Variants in DFFB observed in about 807,000 individuals in gnomAD.
DFFB encodes the protein DNA fragmentation factor subunit beta.
Under a neutral mutation model 32.7 loss-of-function variants are expected in DFFB, and 29 were observed. The ratio of observed to expected loss-of-function variants is 0.89; its 90% confidence interval spans 0.66 to 1.21. DFFB has a LOEUF of 1.21. DFFB is among the 50% of genes most tolerant of loss of function. The pLI, the probability that DFFB is intolerant of heterozygous loss-of-function variation, is 0.00. For synonymous variants in DFFB, 170 were observed against 177.1 expected (o/e 0.96, Z 0.32); for missense variants, 398 against 440.6 (o/e 0.90, Z 0.87).
chr1:3,883,413 A>G (rs1182409584), intron 6 of DFFB, 94 bp from the exon 7 acceptor site: 4 of 1,192,012 alleles, frequency 3.4e-6, no homozygotes, highest in African/African-American at 3.0e-5. Flanking sequence ...ACTTAGGGGA[A>G]TTTGTGAAGA....
intron 1 of DFFB, 35 bp from the exon 2 acceptor site, chr1:3,858,683 C>T (rs781435042): frequency 2.5e-6 from 4 of 1,607,864 alleles, no homozygotes; most frequent in Non-Finnish European, 3.4e-6. Context: ...GTCTTGAGAC[C>T]CTTCCTCCTC....
chr1:3,868,666 C>T (rs1272280742), intron 4 of DFFB, among the ~76,000 whole-genome samples: 1 of 151,562 alleles, frequency 6.6e-6, no homozygotes, highest in Non-Finnish European at 1.5e-5. Flanking sequence ...CAGGCCACAC[C>T]ACACCACACC....
At chr1:3,881,677 G>A (rs1557730691) in intron 6 of DFFB, among the ~76,000 whole-genome samples, 1 of 152,040 alleles carries the variant, frequency 6.6e-6, no homozygotes, top group African/African-American at 2.4e-5. Context: ...TGGCCAACAC[G>A]GTGAAACCCC....
In DFFB at chr1:3,883,702, A is replaced by G; in HGVS notation, c.978A>G (p.Thr326=). Residue 326 remains threonine (T), a synonymous_variant, in exon 7 of 7, where the codon ACA becomes ACG. Transcript: ENST00000378209. Reference sequence around the variant, plus strand: ...CAAGCAGAATCTACAAACCCCAGACAAGGTTGAAGCGGAAGCAGCCTGTGC... The same window carrying G: ...CAAGCAGAATCTACAAACCCCAGACGAGGTTGAAGCGGAAGCAGCCTGTGC... The part of the protein sequence containing the change: ...CDPSRIYKPQ[T]RLKRKQPVRK... 1 of 1,614,136 alleles carries G rather than the reference A, an allele frequency of 6.2e-7. No homozygotes were observed.
chr1:3,874,002 C>T (rs886409438), intron 6 of DFFB, among the ~76,000 whole-genome samples: 3 of 149,438 alleles, frequency 2.0e-5, no homozygotes, highest in Non-Finnish European at 4.5e-5. Flanking sequence ...CACCTTGCCC[C>T]GAGGGAAAAC....
Position 3,883,806 on chromosome 1 carries a change from T to C in DFFB, c.*65T>C, listed in dbSNP as rs913860789. On this transcript the variant is annotated 3_prime_UTR_variant, in exon 7 of 7. Transcript: ENST00000378209. Reference sequence around the variant, plus strand: ...CGTGGGCATCATTTTAACAGGTGCCTTTTTTGTTTTTTTGTTTTTCGTTTT... The same window carrying C: ...CGTGGGCATCATTTTAACAGGTGCCCTTTTTGTTTTTTTGTTTTTCGTTTT... 4 of 1,398,708 alleles carry C rather than the reference T, an allele frequency of 2.9e-6. No individual in the cohort carries two copies. The highest frequency in any genetic ancestry group is 1.8e-4 in the Middle Eastern group (1 of 5,472). 86.6% of individuals were successfully genotyped at this position (1,398,708 alleles called of 1,614,324 possible).
chr1:3,868,608 T>TACCACACCACACCAC (rs1557715984), intron 4 of DFFB, among the ~76,000 whole-genome samples: 134 of 3,108 alleles, frequency 0.043, 32 homozygotes, highest in African/African-American at 0.057. Context: ...TACCACACCA[T>TACCACACCACACCAC]ACCAGACCAC....
At chr1:3,867,804 G>A (rs1645014032) in intron 3 of DFFB, 170 bp from the exon 4 acceptor site, 8 of 666,394 alleles carry the variant, frequency 1.2e-5, no homozygotes, top group African/African-American at 5.4e-5. Flanking sequence ...AGTAAGCTGT[G>A]TTCGTGCCAC....
At chr1:3,858,958 C>T (rs1323682519) in intron 2 of DFFB, 114 bp downstream of exon 2, 33 of 1,458,324 alleles carry the variant, frequency 2.3e-5, no homozygotes, top group Admixed American at 4.7e-5. Context: ...TGTGAACTCT[C>T]GGGTCTCAAG....
At chr1:3,868,321 C>T (rs1037812801) in intron 4 of DFFB, among the ~76,000 whole-genome samples, 8 of 152,026 alleles carry the variant, frequency 5.3e-5, no homozygotes, top group South Asian at 4.1e-4. Context: ...GCCTGCCTCC[C>T]CTCCTCTCCT....
Position 3,869,829 on chromosome 1 carries a change from C to T in DFFB, c.681+54C>T, listed in dbSNP as rs1570919153. 4 of 1,523,008 alleles carry T rather than the reference C, an allele frequency of 2.6e-6. No homozygotes were observed. In the East Asian group the frequency reaches 9.3e-5, roughly 35 times the overall value. The allele number at this position is 1,523,008 out of a possible 1,614,324, so 94.3% of individuals were successfully genotyped here. A position where few individuals can be genotyped will look rare whatever the true frequency, so the allele number is the denominator to read the frequency against. On this transcript the variant is annotated intron_variant, in intron 5 of 6. Coordinates refer to ENST00000378209, the MANE Select transcript of DFFB (RefSeq NM_004402.4). ...CACCCGGCTGGCCTGTGGAACACAG[C>T]CCGCCTGGGGCGAGGCGGGTGGGGA...
At chr1:3,882,159 C>T (rs557374111) in intron 6 of DFFB, among the ~76,000 whole-genome samples, 5 of 152,226 alleles carry the variant, frequency 3.3e-5, no homozygotes, top group African/African-American at 1.2e-4. Context: ...AAGTGATTTT[C>T]GTGCCTCAGC....
intron 2 of DFFB, chr1:3,860,436 C>T (rs531801256): frequency 1.2e-5 from 5 of 433,754 alleles, no homozygotes; most frequent in Non-Finnish European, 2.3e-5. Context: ...GCCATGTTTC[C>T]CAGGATAGTC....
intron 2 of DFFB, among the ~76,000 whole-genome samples, chr1:3,862,832 CA>C (rs1327751796): frequency 6.6e-6 from 1 of 152,130 alleles, no homozygotes; most frequent in Non-Finnish European, 1.5e-5. Flanking sequence ...GAAGAAAAAA[CA>C]GATAAATTGG....
chr1:3,877,905 C>T (rs970731990), intron 6 of DFFB, among the ~76,000 whole-genome samples: 4 of 152,144 alleles, frequency 2.6e-5, no homozygotes, highest in African/African-American at 9.7e-5. Context: ...GTTTCCACCC[C>T]TTTCCTTTGG....
chr1:3,870,253 C>T (rs1426775136), intron 5 of DFFB, among the ~76,000 whole-genome samples: 1 of 152,222 alleles, frequency 6.6e-6, no homozygotes, highest in African/African-American at 2.4e-5. Flanking sequence ...CACCCCTCCC[C>T]CTCCCATGGT....
chr1:3,880,372 G>A (rs1183190352), intron 6 of DFFB, among the ~76,000 whole-genome samples: 1 of 152,222 alleles, frequency 6.6e-6, no homozygotes. Context: ...TTCATCTGCA[G>A]CTATAAGAAA....
chr1:3,872,831 C>T (rs1297094328), intron 6 of DFFB, among the ~76,000 whole-genome samples: 1 of 152,250 alleles, frequency 6.6e-6, no homozygotes, highest in Non-Finnish European at 1.5e-5. Context: ...GCCCTCCTGT[C>T]CCCTCCAGTC....
intron 6 of DFFB, among the ~76,000 whole-genome samples, chr1:3,877,205 T>C (rs1645240654): frequency 6.6e-6 from 1 of 151,330 alleles, no homozygotes; most frequent in African/African-American, 2.5e-5. Context: ...TTGTAAAATT[T>C]ATTCCTACCT....
Sources: gnomAD v4.1 joint callset for allele counts (sites outside exome capture counted in the v4.1 genomes callset) on GRCh38, gnomAD v4.1.1 for gene constraint, MANE v1.5 for transcripts, NCBI Gene and HGNC (gene_info 2026-07-23, HGNC 2026-07-21) for gene names.